PTPRG: variants seen among roughly 807,000 people sequenced by gnomAD.
PTPRG encodes the protein protein tyrosine phosphatase receptor type G.
PTPRG carries 102 observed loss-of-function variants against 165.3 expected under a neutral mutation model. The ratio of observed to expected loss-of-function variants is 0.62; its 90% CI spans 0.53 to 0.73. The LOEUF (loss-of-function observed/expected upper bound fraction) is 0.73, where lower values mean the gene tolerates loss of function less well. Ranked by LOEUF, PTPRG falls within the 30% of genes least tolerant of loss-of-function variation. The pLI is 0.00. For missense variants in PTPRG, 1,866 were observed against 1,861.4 expected (o/e 1.00, Z -0.05); for synonymous variants, 675 against 669.5 (o/e 1.01, Z -0.13).
At chr3:61,593,109 T>C (rs752583838) in intron 1 of PTPRG, among the ~76,000 whole-genome samples, 3 of 152,222 alleles carry the variant, frequency 2.0e-5, no homozygotes, top group African/African-American at 4.8e-5. Flanking sequence ...TGGGATCTCA[T>C]GGATCAGAAT....
At chr3:61,749,651 C>T (rs921203721) in intron 2 of PTPRG, 2 of 154,040 alleles carry the variant, frequency 1.3e-5, no homozygotes, top group African/African-American at 4.8e-5. Flanking sequence ...TCCCAAAACT[C>T]CCAAAATATG....
At chr3:61,794,214 G>C (rs1575668704) in intron 2 of PTPRG, among the ~76,000 whole-genome samples, 1 of 152,174 alleles carries the variant, frequency 6.6e-6, no homozygotes, top group East Asian at 1.9e-4. Context: ...AATCAGAATA[G>C]AATTTGTATA....
intron 17 of PTPRG, among the ~76,000 whole-genome samples, chr3:62,265,357 C>T (rs1186188498): frequency 6.6e-6 from 1 of 151,940 alleles, no homozygotes; most frequent in African/African-American, 2.4e-5. Context: ...AAATTTATTC[C>T]TAAGTATTTT....
intron 7 of PTPRG, among the ~76,000 whole-genome samples, chr3:62,163,218 TG>T (rs1704837093): frequency 6.6e-6 from 1 of 151,914 alleles, no homozygotes; most frequent in African/African-American, 2.4e-5. Flanking sequence ...GAGATTTGGG[TG>T]GGGACACAGA....
intron 10 of PTPRG, among the ~76,000 whole-genome samples, chr3:62,196,756 AC>A (rs1022724734): frequency 6.6e-6 from 1 of 152,210 alleles, no homozygotes; most frequent in Non-Finnish European, 1.5e-5. Flanking sequence ...TAAGAAAACC[AC>A]GCCAGGTTAA....
At chr3:61,751,106 A>G (rs2033409267) in intron 2 of PTPRG, 1 of 152,240 alleles carries the variant, frequency 6.6e-6, no homozygotes, top group Admixed American at 6.5e-5. Context: ...GTTCTTCCTG[A>G]CAATTCGACA....
chr3:61,781,973 C>G (rs1472260494), intron 2 of PTPRG, among the ~76,000 whole-genome samples: 1 of 148,394 alleles, frequency 6.7e-6, no homozygotes, highest in Admixed American at 6.8e-5. Flanking sequence ...TCAAGCAATT[C>G]TCTTTCCTCA....
intron 4 of PTPRG, among the ~76,000 whole-genome samples, chr3:62,066,975 T>A (rs2106712184): frequency 6.8e-6 from 1 of 147,084 alleles, no homozygotes; most frequent in South Asian, 2.2e-4. Context: ...GAGGAGGAGG[T>A]TGCAGTGAGC....
intron 2 of PTPRG, among the ~76,000 whole-genome samples, chr3:61,869,094 T>C (rs1223306090): frequency 6.6e-6 from 1 of 152,154 alleles, no homozygotes; most frequent in Non-Finnish European, 1.5e-5. Flanking sequence ...TTATTTTAAC[T>C]CTGAGGGATT....
intron 2 of PTPRG, chr3:61,750,529 G>A (rs1347744353): frequency 6.6e-6 from 1 of 152,174 alleles, no homozygotes; most frequent in Non-Finnish European, 1.5e-5. Flanking sequence ...TTTCTGGAAT[G>A]CATTGTGTCT....
chr3:61,785,574 T>C (rs2034671342), intron 2 of PTPRG, among the ~76,000 whole-genome samples: 1 of 152,208 alleles, frequency 6.6e-6, no homozygotes, highest in South Asian at 2.1e-4. Context: ...CTTGCTCTAT[T>C]CTGCTGCCGT....
intron 14 of PTPRG, among the ~76,000 whole-genome samples, chr3:62,238,006 GA>G (rs1701070607): frequency 6.6e-6 from 1 of 152,200 alleles, no homozygotes; most frequent in Non-Finnish European, 1.5e-5. Context: ...ACTTTCTATA[GA>G]AATGTGCATA....
chr3:61,803,392 T>A (rs1254031858), intron 2 of PTPRG, among the ~76,000 whole-genome samples: 1 of 142,440 alleles, frequency 7.0e-6, no homozygotes, highest in East Asian at 2.1e-4. Flanking sequence ...TTATACTCTG[T>A]AAGCCCATCC....
chr3:62,265,199 A>C (rs2029590), intron 17 of PTPRG, among the ~76,000 whole-genome samples: 11,688 of 152,170 alleles, frequency 0.077, 656 homozygotes, highest in Non-Finnish European at 0.1. Context: ...TCATTTATTG[A>C]ATATACAGTT....
At chr3:61,894,249 C>T (rs2038290001) in intron 2 of PTPRG, among the ~76,000 whole-genome samples, 2 of 126,008 alleles carry the variant, frequency 1.6e-5, no homozygotes, top group Admixed American at 2.2e-4. Context: ...CTGCAGTGAG[C>T]CAAGATTGTG....
chr3:62,092,928 G>A (rs192992442), intron 5 of PTPRG, among the ~76,000 whole-genome samples: 1 of 152,310 alleles, frequency 6.6e-6, no homozygotes, highest in South Asian at 2.1e-4. Context: ...CACCTAACAG[G>A]TTTGTGATGT....
intron 20 of PTPRG, among the ~76,000 whole-genome samples, chr3:62,270,138 T>C (rs187383616): frequency 6.6e-5 from 10 of 152,226 alleles, no homozygotes; most frequent in Admixed American, 2.6e-4. Context: ...TTAAAAAATG[T>C]AGTTATTCCA....
intron 1 of PTPRG, among the ~76,000 whole-genome samples, chr3:61,653,442 A>G (rs919401187): frequency 3.5e-5 from 5 of 143,036 alleles, no homozygotes; most frequent in Non-Finnish European, 6.0e-5. Flanking sequence ...TGTCATTTTA[A>G]TGTTGGACAT....
Position 61,566,325 on chromosome 3 carries a change from C to T in PTPRG, c.85+3953C>T, listed in dbSNP as rs188480677. Among the ~76,000 whole-genome samples, 88 of 152,372 alleles carry T rather than the reference C, an allele frequency of 5.8e-4. No homozygotes were observed. The East Asian group carries it at 0.013, about 23-fold the overall frequency. ...TGATGATTTAATGCAGCAAAACAAA[C>T]AGCCCTTTCAGATTTGCCTTTCTAT... On this transcript the variant is annotated intron_variant, in intron 1 of 29. Coordinates refer to ENST00000474889, the MANE Select transcript of PTPRG (RefSeq NM_002841.4).
Sources: gnomAD v4.1 joint callset for allele counts (sites outside exome capture counted in the v4.1 genomes callset) on GRCh38, gnomAD v4.1.1 for gene constraint, MANE v1.5 for transcripts, NCBI Gene and HGNC (gene_info 2026-07-23, HGNC 2026-07-21) for gene names.